ANKRD44: variants seen among roughly 807,000 people sequenced by gnomAD.
ANKRD44 encodes ankyrin repeat domain 44.
Under a neutral mutation model 116.0 loss-of-function variants are expected in ANKRD44, and 35 were observed. The ratio of observed to expected loss-of-function variants is 0.30; its 90% CI spans 0.23 to 0.40. ANKRD44 has a LOEUF of 0.40. Among genes scored for constraint, ANKRD44 ranks in the 10% least tolerant of loss-of-function variants. The pLI, the probability that ANKRD44 is intolerant of heterozygous loss-of-function variation, is 1.00. For missense variants in ANKRD44, 1,014 were observed against 1,242.6 expected, an observed-to-expected ratio of 0.82 and a Z score of 2.77; for synonymous variants, 435 against 461.8, an observed-to-expected ratio of 0.94 and a Z score of 0.74.
chr2:197,197,466 C>G (rs1265405425), intron 1 of ANKRD44, among the ~76,000 whole-genome samples: 1 of 152,122 alleles, frequency 6.6e-6, no homozygotes, highest in Non-Finnish European at 1.5e-5. Flanking sequence ...TAACCACATT[C>G]AATTCAACAA....
At position 197,130,663 on chromosome 2, in the gene ANKRD44, A is replaced by G. The variant is rs145313001; in HGVS notation, c.262-4626T>C. Among the ~76,000 whole-genome samples, 174 of 152,356 alleles carry G rather than the reference A, an allele frequency of 1.1e-3. 1 individual carries two copies. Among genetic ancestry groups the G allele is most frequent in the Non-Finnish European group, 1.8e-3 (125 of 68,040 alleles). On this transcript the variant is annotated intron_variant, in intron 4 of 27. Transcript: ENST00000282272. Reference sequence around the variant, plus strand: ...TCTTCCTATTCCAGATATGACCTATATTCTACACATGAACAACTTTTTATA... The same window carrying G: ...TCTTCCTATTCCAGATATGACCTATGTTCTACACATGAACAACTTTTTATA...
intron 16 of ANKRD44, among the ~76,000 whole-genome samples, chr2:197,073,256 G>T (rs2077597138): frequency 6.6e-6 from 1 of 152,172 alleles, no homozygotes; most frequent in South Asian, 2.1e-4. Context: ...CTTAGATGCT[G>T]AATTAGGTTC....
rs142740264 is a variant in ANKRD44, at chr2:197,025,257, C to A, written c.1661G>T (p.Arg554Ile). ...HRQCLELLLERTNSGFEESDS... is the reference protein window; with the variant it reads ...HRQCLELLLEITNSGFEESDS... Reference sequence around the variant, plus strand: ...TGATTCTTCAAATCCACTGTTTGTTCTTTCCAAAAGCTGTGGAGACAAAAA... The same window carrying A: ...TGATTCTTCAAATCCACTGTTTGTTATTTCCAAAAGCTGTGGAGACAAAAA... The change falls in exon 17 of 28, where the codon AGA (arginine) becomes ATA (isoleucine). Residue 554 changes from arginine to isoleucine, a missense_variant. Arg to Ile is a moderately conservative substitution (Grantham distance 97). Coordinates refer to ENST00000282272, the MANE Select transcript of ANKRD44 (RefSeq NM_001195144.2). 1 of 1,610,930 alleles carries A rather than the reference C, an allele frequency of 6.2e-7. No homozygotes were observed. The highest frequency in any genetic ancestry group is 8.5e-7 in the Non-Finnish European group (1 of 1,177,516).
Position 196,972,311 on chromosome 2 carries a change from C to T in ANKRD44, c.2369-4865G>A, listed in dbSNP as rs139965825. Among the ~76,000 whole-genome samples, 546 of 152,294 alleles carry T rather than the reference C, an allele frequency of 3.6e-3. 4 individuals carry two copies. The highest frequency in any genetic ancestry group is 0.013 in the African/African-American group (526 of 41,556). ...CTCCACCTCCCAGGTTCAAGCAATT[C>T]GCATGCCTCAGCCACCTGAGCAGCT... On this transcript the variant is annotated intron_variant, in intron 21 of 21. Transcript: ENST00000424317.
At chr2:197,189,512 C>T (rs1295841916) in intron 1 of ANKRD44, among the ~76,000 whole-genome samples, 2 of 152,206 alleles carry the variant, frequency 1.3e-5, no homozygotes, top group African/African-American at 4.8e-5. Context: ...TACATCTGCC[C>T]CGTGGCAAGG....
chr2:197,204,956 T>C (rs1453963091), intron 1 of ANKRD44, among the ~76,000 whole-genome samples: 1 of 152,246 alleles, frequency 6.6e-6, no homozygotes, highest in Non-Finnish European at 1.5e-5. Flanking sequence ...GAGAGGTCTC[T>C]ATTAGAGCAG....
intron 7 of ANKRD44, 144 bp downstream of exon 7, chr2:197,122,506 G>T (rs762147626): frequency 2.0e-6 from 2 of 1,021,990 alleles, no homozygotes; most frequent in Admixed American, 2.9e-5. Context: ...CCCTTCATCA[G>T]TTGCCCACAA....
intron 10 of ANKRD44, among the ~76,000 whole-genome samples, chr2:197,097,452 C>A (rs1194880131): frequency 2.6e-5 from 4 of 152,112 alleles, no homozygotes; most frequent in African/African-American, 4.8e-5. Context: ...CTGGTAAGAG[C>A]GTACTGAATC....
At chr2:197,163,193 A>C (rs567141305) in intron 2 of ANKRD44, among the ~76,000 whole-genome samples, 1 of 152,140 alleles carries the variant, frequency 6.6e-6, no homozygotes, top group Non-Finnish European at 1.5e-5. Context: ...CATGACTTGA[A>C]CCTGACTTAC....
rs770775183 is a variant in ANKRD44 at position 197,013,684 on chromosome 2, T to G, written c.1751A>C (p.Glu584Ala). Residue 584 changes from glutamate to alanine, a missense_variant, in exon 18 of 28, where the codon GAA becomes GCA. Coordinates refer to ENST00000282272, the MANE Select transcript of ANKRD44 (RefSeq NM_001195144.2). ...GTCCACCAACGACTGCAGAAGGACT[T>G]CCAAGGCTTGATGGTGCCCATTGTA... ...AAYNGHHQAL[E>A]VLLQSLVDLD... 24 of 1,613,434 alleles carry G rather than the reference T, an allele frequency of 1.5e-5. No homozygotes were observed. Among genetic ancestry groups the G allele is most frequent in the Non-Finnish European group, 2.0e-5 (24 of 1,180,028 alleles).
intron 8 of ANKRD44, among the ~76,000 whole-genome samples, chr2:197,117,473 C>T (rs754461575): frequency 4.6e-4 from 70 of 152,272 alleles, no homozygotes; most frequent in African/African-American, 1.4e-3. Flanking sequence ...TTCCTCACCT[C>T]GTGATCTGCC....
intron 1 of ANKRD44, among the ~76,000 whole-genome samples, chr2:197,275,741 C>A (rs2083061112): frequency 2.0e-5 from 3 of 151,562 alleles, no homozygotes; most frequent in Admixed American, 1.3e-4. Flanking sequence ...GCTCTGCTGG[C>A]ATATGGGGGG....
chr2:197,089,900 C>CA, intron 11 of ANKRD44, 50 bp downstream of exon 11: 1 of 1,530,116 alleles, frequency 6.5e-7, no homozygotes, highest in Non-Finnish European at 9.1e-7. Flanking sequence ...AAGCCATTGA[C>CA]TCATGTACAG....
At chr2:196,998,156 C>T (rs1177230625) in intron 25 of ANKRD44, among the ~76,000 whole-genome samples, 181 bp downstream of exon 25, 3 of 152,262 alleles carry the variant, frequency 2.0e-5, no homozygotes, top group East Asian at 1.9e-4. Flanking sequence ...TTCTTCAACA[C>T]GAATGCATTG....
intron 18 of ANKRD44, among the ~76,000 whole-genome samples, chr2:197,012,791 G>A (rs1178101658): frequency 4.6e-5 from 7 of 152,208 alleles, no homozygotes; most frequent in East Asian, 1.9e-4. Flanking sequence ...GTTATTTATC[G>A]TTACAAAATG....
intron 1 of ANKRD44, among the ~76,000 whole-genome samples, chr2:197,304,161 C>T (rs1439258281): frequency 1.3e-5 from 2 of 152,030 alleles, no homozygotes; most frequent in Admixed American, 6.6e-5. Flanking sequence ...CAAAAATTAG[C>T]TGGGCGTAGT....
In ANKRD44 at chr2:197,212,294, AG is replaced by A. The variant is rs2081345391; in HGVS notation, c.28-25189del. 6.6e-6 allele frequency among the ~76,000 whole-genome samples: 1 copy of A among 152,198 alleles called. No homozygotes were observed. ...TGAAACTGGCTTTTATGAGCCAGTA[AG>A]TGTGTGAGCTTAGATCATGGATAAT... On this transcript the variant is annotated intron_variant, in intron 1 of 27. Coordinates refer to ENST00000282272, the MANE Select transcript of ANKRD44 (RefSeq NM_001195144.2). This position sits in a 1 kb window ranked among gnomAD's most constrained non-coding sequence, Gnocchi z 4.8.
rs557805923 is a variant in ANKRD44 at position 197,186,973 on chromosome 2, C to G, written c.111+50G>C. On this transcript the variant is annotated intron_variant, in intron 2 of 27. Transcript: ENST00000282272. ...GTATATAAAAGGTTAAGAGTCCTTT[C>G]CTGCTCCAGGCTAACAGGGCCTGAG... 5.2e-5 allele frequency: 80 copies of G among 1,527,348 alleles called. No homozygotes were observed. In the South Asian group the frequency reaches 8.6e-4, roughly 16 times the overall value. The allele number at this position is 1,527,348 out of a possible 1,614,324, so 94.6% of individuals were successfully genotyped here. A position where few individuals can be genotyped will look rare whatever the true frequency, so the allele number is the denominator to read the frequency against.
Position 196,987,933 on chromosome 2 carries a change from T to C in ANKRD44, c.*1658A>G. ...AAATGATAGTTTTTAAAGTCATTTCTTTAAAAAAATTTTGCCTTGGGGTAT... is the reference window on the plus strand; with the variant it reads ...AAATGATAGTTTTTAAAGTCATTTCCTTAAAAAAATTTTGCCTTGGGGTAT... On this transcript the variant is annotated 3_prime_UTR_variant, in exon 28 of 28. Coordinates refer to ENST00000282272, the MANE Select transcript of ANKRD44 (RefSeq NM_001195144.2). 6 of 984,694 alleles carry C rather than the reference T, an allele frequency of 6.1e-6. No individual in the cohort carries two copies. The highest frequency in any genetic ancestry group is 7.2e-6 in the Non-Finnish European group (6 of 829,254). 61.0% of individuals were successfully genotyped at this position (984,694 alleles called of 1,614,324 possible).
Sources: gnomAD v4.1 joint callset for allele counts (sites outside exome capture counted in the v4.1 genomes callset) on GRCh38, gnomAD v4.1.1 for gene constraint, Gnocchi (gnomAD v3.1) non-coding constraint, MANE v1.5 for transcripts, NCBI Gene and HGNC (gene_info 2026-07-23, HGNC 2026-07-21) for gene names.